ATP2B2: variants seen among roughly 807,000 people sequenced by gnomAD.
The protein encoded by ATP2B2 is ATPase plasma membrane Ca2+ transporting 2, also known as plasma membrane calcium-transporting ATPase 2.
Under a neutral mutation model 120.0 loss-of-function variants are expected in ATP2B2, and 15 were observed. That is an observed-to-expected ratio of 0.12 (90% confidence interval 0.08 to 0.19). The LOEUF is 0.19. Among genes scored for constraint, ATP2B2 ranks in the 10% least tolerant of loss-of-function variants. The probability of loss-of-function intolerance (pLI) is 1.00; values close to 1 mark genes in which losing one functional copy is unlikely to be tolerated. For missense variants in ATP2B2, 1,045 were observed against 1,719.8 expected (o/e 0.61, Z 6.94); for synonymous variants, 694 against 700.3 (o/e 0.99, Z 0.14).
At chr3:10,526,332 C>T (rs2125464066) in intron 3 of ATP2B2, among the ~76,000 whole-genome samples, 1 of 152,272 alleles carries the variant, frequency 6.6e-6, no homozygotes, top group Admixed American at 6.5e-5. Flanking sequence ...GTCCTCAAAG[C>T]CCAGGGAAGC....
chr3:10,335,600 C>T (rs1327069180), intron 22 of ATP2B2, among the ~76,000 whole-genome samples: 1 of 152,168 alleles, frequency 6.6e-6, no homozygotes, highest in Non-Finnish European at 1.5e-5. Context: ...GTGACCCTCT[C>T]CTGGGTGGAT....
intron 14 of ATP2B2, 49 bp downstream of exon 14, chr3:10,358,642 C>T (rs778357241): frequency 1.3e-6 from 2 of 1,590,278 alleles, no homozygotes; most frequent in South Asian, 2.2e-5. Context: ...TGGTGGCTGG[C>T]CTCCCAGCCT....
At chr3:10,482,408 T>C (rs2065451199) in intron 1 of ATP2B2, among the ~76,000 whole-genome samples, 1 of 152,264 alleles carries the variant, frequency 6.6e-6, no homozygotes, top group Non-Finnish European at 1.5e-5. Flanking sequence ...CTCAGCCAAC[T>C]GATCCTGGGC....
chr3:10,529,593 C>A (rs1443436108), intron 3 of ATP2B2, among the ~76,000 whole-genome samples: 1 of 152,196 alleles, frequency 6.6e-6, no homozygotes, highest in African/African-American at 2.4e-5. Flanking sequence ...TATTTGGGAA[C>A]TTAAATATCA....
rs761076118 is a variant in ATP2B2 at position 10,350,186 on chromosome 3, C to A, written c.2330G>T (p.Arg777Leu). The A allele has an allele frequency of 1.2e-6, 2 of 1,607,618 alleles. No homozygotes were observed. Among genetic ancestry groups the A allele is most frequent in the Middle Eastern group, 1.7e-4 (1 of 6,028 alleles). The change falls in exon 16 of 23, where the codon CGA becomes CTA. Residue 777 changes from arginine (R) to leucine (L), a missense_variant. Around this residue, in one of 11 missense-constraint regions of ATP2B2, gnomAD observed 343 missense variants for 536.8 expected, o/e 0.64. Coordinates refer to ENST00000360273, the MANE Select transcript of ATP2B2 (RefSeq NM_001001331.4). ...RNEKGEIEQE[R>L]IDKIWPKLRV... ...CAGCTTTGGCCAGATCTTGTCAATT[C>A]GCTCCTGCTCAATCTGGAGAGGGAT...
At position 10,375,443 on chromosome 3, in the gene ATP2B2, G is replaced by A; in HGVS notation, c.1403C>T (p.Ala468Val). ...GLPLAVTISL[A>V]YSVKKMMKDN... ...CTCCCCTCTCACCTTCACCGAATAG[G>A]CCAACGAGATGGTGACGGCCAGAGG... The change falls in exon 11 of 23, where the codon GCC (alanine) becomes GTC (valine). Residue 468 changes from alanine to valine, a missense_variant. Physicochemically the swap from Ala to Val is moderately conservative, Grantham distance 64. Coordinates refer to ENST00000360273, the MANE Select transcript of ATP2B2 (RefSeq NM_001001331.4). The surrounding 1 kb of genome is among the most constrained non-coding windows in gnomAD (Gnocchi z 4.2). 1 of 1,612,096 alleles carries A rather than the reference G, an allele frequency of 6.2e-7. No individual in the cohort carries two copies. Among genetic ancestry groups the A allele is most frequent in the African/African-American group, 1.3e-5 (1 of 74,992 alleles).
intron 2 of ATP2B2, among the ~76,000 whole-genome samples, chr3:10,607,790 AGATTTGGAGGGT>A (rs2069126339): frequency 2.0e-5 from 3 of 152,194 alleles, no homozygotes; most frequent in African/African-American, 7.2e-5. Flanking sequence ...GACCACATGT[AGATTTGGAGGGT>A]GTGTGGATGA....
intron 1 of ATP2B2, among the ~76,000 whole-genome samples, chr3:10,621,104 T>C (rs2069534882): frequency 6.6e-6 from 1 of 152,348 alleles, no homozygotes; most frequent in East Asian, 1.9e-4. Context: ...CCTGAGCTTT[T>C]GCTCTGTCCT....
intron 1 of ATP2B2, among the ~76,000 whole-genome samples, chr3:10,483,135 G>A (rs917048081): frequency 6.6e-6 from 1 of 152,244 alleles, no homozygotes; most frequent in Non-Finnish European, 1.5e-5. Context: ...TCTCCCTGGT[G>A]AGGGTAATGT....
At chr3:10,486,920 TCTACTAA>T (rs2065701676) in intron 1 of ATP2B2, among the ~76,000 whole-genome samples, 2 of 151,986 alleles carry the variant, frequency 1.3e-5, no homozygotes, top group East Asian at 1.9e-4. Flanking sequence ...GGGTTTCATC[TCTACTAA>T]ATGTAGGCCA....
At chr3:10,432,557 C>T (rs1403116127) in intron 2 of ATP2B2, among the ~76,000 whole-genome samples, 1 of 152,250 alleles carries the variant, frequency 6.6e-6, no homozygotes, top group South Asian at 2.1e-4. Flanking sequence ...TATTCTAAAC[C>T]CCAGCGCTCA....
intron 1 of ATP2B2, among the ~76,000 whole-genome samples, chr3:10,453,060 T>C (rs907389357): frequency 2.0e-5 from 3 of 152,222 alleles, no homozygotes; most frequent in Admixed American, 1.3e-4. Flanking sequence ...TAAGCATTTA[T>C]TGAGTGCTTA....
intron 3 of ATP2B2, among the ~76,000 whole-genome samples, chr3:10,517,710 A>G (rs921352737): frequency 6.6e-6 from 1 of 152,180 alleles, no homozygotes; most frequent in African/African-American, 2.4e-5. Context: ...CATCTGATAC[A>G]TGGGGAGGTG....
intron 1 of ATP2B2, among the ~76,000 whole-genome samples, chr3:10,461,479 A>G (rs1302096586): frequency 6.6e-6 from 1 of 152,182 alleles, no homozygotes; most frequent in Non-Finnish European, 1.5e-5. Context: ...CCCTCATGGT[A>G]AAGGTGTTCT....
chr3:10,466,760 A>G (rs973504067), intron 1 of ATP2B2, among the ~76,000 whole-genome samples: 2 of 152,232 alleles, frequency 1.3e-5, no homozygotes, highest in Admixed American at 6.5e-5. Flanking sequence ...ATGAGTGTTC[A>G]TTAGATGCTT....
chr3:10,405,555 G>A (rs1330241800), intron 3 of ATP2B2, among the ~76,000 whole-genome samples: 1 of 152,174 alleles, frequency 6.6e-6, no homozygotes, highest in African/African-American at 2.4e-5. Flanking sequence ...GAAGAGGGGA[G>A]TGGGTGGGTC....
chr3:10,490,987 G>T (rs891180887), intron 1 of ATP2B2, among the ~76,000 whole-genome samples: 1 of 152,200 alleles, frequency 6.6e-6, no homozygotes, highest in Non-Finnish European at 1.5e-5. Flanking sequence ...CCTGTTTTCT[G>T]ACTTTGCCTT....
At chr3:10,550,116 T>A (rs1384656524) in intron 2 of ATP2B2, among the ~76,000 whole-genome samples, 1 of 151,908 alleles carries the variant, frequency 6.6e-6, no homozygotes, top group Non-Finnish European at 1.5e-5. Context: ...CCCAAGGGAG[T>A]CTCTTGTGGC....
chr3:10,354,513 G>A (rs1055188045), intron 14 of ATP2B2, among the ~76,000 whole-genome samples: 7 of 152,264 alleles, frequency 4.6e-5, no homozygotes, highest in South Asian at 4.2e-4. Flanking sequence ...GGTGACAGCC[G>A]TTGTCTGTGA....
Sources: allele counts gnomAD v4.1 joint callset (sites outside exome capture counted in the v4.1 genomes callset), GRCh38; gene constraint gnomAD v4.1.1; regional missense constraint gnomAD v4.1.1; non-coding constraint Gnocchi (gnomAD v3.1); transcripts MANE v1.5; gene names NCBI Gene and HGNC (gene_info 2026-07-23, HGNC 2026-07-21).